RAPGEF1: variants seen among roughly 807,000 people sequenced by gnomAD.
RAPGEF1 encodes the protein Rap guanine nucleotide exchange factor 1.
RAPGEF1 carries 33 observed loss-of-function variants against 143.3 expected under a neutral mutation model. The ratio of observed to expected loss-of-function variants is 0.23; its 90% CI spans 0.17 to 0.31. RAPGEF1 has a LOEUF of 0.31. Among genes scored for constraint, RAPGEF1 ranks in the 10% least tolerant of loss-of-function variants. The pLI, the probability that RAPGEF1 is intolerant of heterozygous loss-of-function variation, is 1.00. For synonymous variants in RAPGEF1, 629 were observed against 676.5 expected (o/e 0.93, Z 1.09); for missense variants, 1,199 against 1,645.4 (o/e 0.73, Z 4.69).
chr9:131,603,900 G>A (rs1443203757), intron 14 of RAPGEF1, 61 bp downstream of exon 14: 63 of 1,074,770 alleles, frequency 5.9e-5, no homozygotes, highest in Non-Finnish European at 7.4e-5. Context: ...GGCCTCGGGA[G>A]GGCAGAGCCC....
At chr9:131,586,216 A>G (rs554496163) in intron 22 of RAPGEF1, among the ~76,000 whole-genome samples, 23 of 147,098 alleles carry the variant, frequency 1.6e-4, no homozygotes, top group Admixed American at 4.1e-4. Flanking sequence ...ACACGCACGC[A>G]CACACACACA....
intron 15 of RAPGEF1, among the ~76,000 whole-genome samples, chr9:131,598,903 C>T (rs1955777447): frequency 6.6e-6 from 1 of 150,802 alleles, no homozygotes; most frequent in Non-Finnish European, 1.5e-5. Flanking sequence ...TGGCTCATCA[C>T]AACCTCCACC....
intron 22 of RAPGEF1, among the ~76,000 whole-genome samples, chr9:131,585,410 C>T (rs927167320): frequency 1.4e-4 from 21 of 152,200 alleles, no homozygotes; most frequent in Middle Eastern, 3.4e-3. Context: ...CGAACTCCTG[C>T]GCTCAAGTGA....
intron 1 of RAPGEF1, among the ~76,000 whole-genome samples, chr9:131,705,072 G>C (rs1236804500): frequency 6.6e-6 from 1 of 152,188 alleles, no homozygotes; most frequent in East Asian, 1.9e-4. Context: ...GCAGTTAAAG[G>C]CTAAGAATGA....
intron 1 of RAPGEF1, among the ~76,000 whole-genome samples, chr9:131,714,940 G>A (rs1835758731): frequency 6.6e-6 from 1 of 152,038 alleles, no homozygotes; most frequent in Non-Finnish European, 1.5e-5. Context: ...CAAACTCATG[G>A]CCTCAGGTGA....
intron 1 of RAPGEF1, among the ~76,000 whole-genome samples, chr9:131,734,272 T>A (rs889357920): frequency 6.6e-6 from 1 of 152,096 alleles, no homozygotes; most frequent in African/African-American, 2.4e-5. Context: ...CAACCAAATT[T>A]CCCTGGGCCT....
intron 12 of RAPGEF1, among the ~76,000 whole-genome samples, chr9:131,605,954 G>A (rs1487692719): frequency 6.6e-6 from 1 of 152,072 alleles, no homozygotes; most frequent in African/African-American, 2.4e-5. Flanking sequence ...AGTGCCTGCA[G>A]TTTTAGCTGC....
At chr9:131,679,686 C>T (rs1832747222) in intron 1 of RAPGEF1, among the ~76,000 whole-genome samples, 1 of 152,256 alleles carries the variant, frequency 6.6e-6, no homozygotes, top group South Asian at 2.1e-4. Context: ...AATGAGGGTA[C>T]TACGCAGCGG....
At chr9:131,654,304 A>AT (rs1038851079) in intron 1 of RAPGEF1, among the ~76,000 whole-genome samples, 7 of 152,300 alleles carry the variant, frequency 4.6e-5, no homozygotes, top group African/African-American at 1.2e-4. Context: ...CAATAAAGCT[A>AT]TTTTTTTAAA....
intron 17 of RAPGEF1, among the ~76,000 whole-genome samples, chr9:131,594,224 C>T (rs1425178127): frequency 2.0e-5 from 3 of 152,214 alleles, no homozygotes; most frequent in Non-Finnish European, 4.4e-5. Context: ...ACAGGACTCT[C>T]GATGCGGTCC....
At chr9:131,645,212 C>T (rs185660791) in intron 3 of RAPGEF1, among the ~76,000 whole-genome samples, 29 of 152,264 alleles carry the variant, frequency 1.9e-4, no homozygotes, top group African/African-American at 6.7e-4. Context: ...GTCGCAGTGC[C>T]GACAGACCTC....
intron 1 of RAPGEF1, among the ~76,000 whole-genome samples, chr9:131,712,760 A>T (rs1223382116): frequency 2.0e-5 from 3 of 151,982 alleles, no homozygotes; most frequent in Non-Finnish European, 1.5e-5. Flanking sequence ...AATGAACTGG[A>T]CATTTTTCCT....
rs1960911432 is a variant in RAPGEF1, at chr9:131,621,281, C to G, written c.1905+515G>C. On this transcript the variant is annotated intron_variant, in intron 11 of 26. Coordinates refer to ENST00000683357, the MANE Select transcript of RAPGEF1 (RefSeq NM_001377935.1). This position sits in a 1 kb window ranked among gnomAD's most constrained non-coding sequence, Gnocchi z 4.5. ...GTGCCATGTCTGAAACAGAGTGGCTCTGTTTAAAGCCATCCTCCACTTCAA... is the reference window on the plus strand; with the variant it reads ...GTGCCATGTCTGAAACAGAGTGGCTGTGTTTAAAGCCATCCTCCACTTCAA... 6.6e-6 allele frequency among the ~76,000 whole-genome samples: 1 copy of G among 152,186 alleles called. No individual in the cohort carries two copies. The highest frequency in any genetic ancestry group is 1.5e-5 in the Non-Finnish European group (1 of 68,030).
intron 1 of RAPGEF1, among the ~76,000 whole-genome samples, chr9:131,705,161 T>A (rs1309652880): frequency 6.6e-6 from 1 of 152,182 alleles, no homozygotes; most frequent in African/African-American, 2.4e-5. Context: ...CTACTATTTA[T>A]TGCACGTCCA....
chr9:131,739,775 T>C lies in RAPGEF1; in HGVS notation c.56A>G (p.Lys19Arg). 1 of 1,174,756 alleles carries C rather than the reference T, an allele frequency of 8.5e-7. No homozygotes were observed. The highest frequency in any genetic ancestry group is 1.7e-5 in the South Asian group (1 of 57,168). 72.8% of individuals were successfully genotyped at this position (1,174,756 alleles called of 1,614,324 possible). A position where few individuals can be genotyped will look rare whatever the true frequency, so the allele number is the denominator to read the frequency against. The stretch of plus-strand genomic sequence containing the variant: ...GCCCCACGCCCGCGCCTCACCTGCT[T>C]TCTCGATCTTGCCGGACATTTCCGG... ...RSPEMSGKIEKADSQRSHLSS... is the reference protein window; with the variant it reads ...RSPEMSGKIERADSQRSHLSS... The change falls in exon 1 of 27, where the codon AAA (lysine) becomes AGA (arginine). Residue 19 changes from lysine (K) to arginine (R), a missense_variant. By Grantham distance (26) the Lys-to-Arg change is conservative. Transcript: ENST00000683357.
At chr9:131,663,851 C>G (rs144372023) in intron 1 of RAPGEF1, among the ~76,000 whole-genome samples, 2 of 152,334 alleles carry the variant, frequency 1.3e-5, no homozygotes, top group Non-Finnish European at 2.9e-5. Flanking sequence ...AGATTTTAAG[C>G]ATCTTGTTCC....
intron 1 of RAPGEF1, among the ~76,000 whole-genome samples, chr9:131,677,352 T>A (rs2130887382): frequency 6.6e-6 from 1 of 152,350 alleles, no homozygotes; most frequent in Admixed American, 6.5e-5. Flanking sequence ...AATACAATGT[T>A]ACTGTATTGC....
intron 22 of RAPGEF1, among the ~76,000 whole-genome samples, chr9:131,585,842 G>A (rs80299620): frequency 1.3e-5 from 2 of 152,010 alleles, no homozygotes; most frequent in South Asian, 4.2e-4. Context: ...AGAGACAAGA[G>A]CTCTGGTTTA....
chr9:131,588,875 G>C lies in RAPGEF1; in HGVS notation c.2979C>G (p.Asp993Glu). 1 of 1,613,912 alleles carries C rather than the reference G, an allele frequency of 6.2e-7. No individual in the cohort carries two copies. The highest frequency in any genetic ancestry group is 8.5e-7 in the Non-Finnish European group (1 of 1,179,854). Reference protein sequence around the residue: ...LARVLRKNILDKVDQKKLLRC... With the variant: ...LARVLRKNILEKVDQKKLLRC... ...TGAGTAGCTTCTTCTGGTCCACCTTGTCCAGGATGTTCTTCCGGAGCACAC... is the reference window on the plus strand; with the variant it reads ...TGAGTAGCTTCTTCTGGTCCACCTTCTCCAGGATGTTCTTCCGGAGCACAC... Residue 993 changes from aspartate (D) to glutamate (E), a missense_variant, in exon 20 of 27, where the codon GAC becomes GAG. By Grantham distance (45) the Asp-to-Glu change is conservative. Coordinates refer to ENST00000683357, the MANE Select transcript of RAPGEF1 (RefSeq NM_001377935.1).
Sources: allele counts gnomAD v4.1 joint callset (sites outside exome capture counted in the v4.1 genomes callset), GRCh38; gene constraint gnomAD v4.1.1; non-coding constraint Gnocchi (gnomAD v3.1); transcripts MANE v1.5; gene names NCBI Gene and HGNC (gene_info 2026-07-23, HGNC 2026-07-21).